The following TYR variants were observed in gnomAD, a reference collection of about 807,000 sequenced individuals.
The protein encoded by TYR is LB24-AB.
A neutral mutation model predicts 51.5 loss-of-function variants in TYR; 58 were observed. That is an observed-to-expected ratio of 1.13 (90% CI 0.91 to 1.40). The LOEUF is 1.40. Ranked by LOEUF, TYR falls within the 40% of genes most tolerant of loss-of-function variation. The probability of loss-of-function intolerance (pLI) is 0.00; values close to 1 mark genes in which losing one functional copy is unlikely to be tolerated. For missense variants in TYR, 732 were observed against 647.4 expected (o/e 1.13, Z -1.42); for synonymous variants, 263 against 235.2 (o/e 1.12, Z -1.08).
At chr11:89,223,350 A>G (rs1265430748) in intron 2 of TYR, among the ~76,000 whole-genome samples, 1 of 152,174 alleles carries the variant, frequency 6.6e-6, no homozygotes, top group Non-Finnish European at 1.5e-5. Context: ...ACAGAGTCAA[A>G]TCTCAGCCAG....
At chr11:89,215,095 G>T (rs377470977) in intron 2 of TYR, among the ~76,000 whole-genome samples, 1 of 152,058 alleles carries the variant, frequency 6.6e-6, no homozygotes, top group African/African-American at 2.4e-5. Flanking sequence ...GCATTCTAGT[G>T]AGGAGAAGCA....
Position 89,230,906 on chromosome 11 carries a change from T to TAAAA in TYR, c.1184+2947_1184+2950dup, listed in dbSNP as rs71052219. On this transcript the variant is annotated intron_variant, in intron 3 of 4. Coordinates refer to ENST00000263321, the MANE Select transcript of TYR (RefSeq NM_000372.5). ...GGACAAGAAGTATTAGAGACTATGT[T>TAAAA]AAAAAAAAAAAAAAGAGGGACTTTA... Among the ~76,000 whole-genome samples, 408 of 139,366 alleles carry TAAAA rather than the reference T, an allele frequency of 2.9e-3. 2 individuals are homozygous for TAAAA. Among genetic ancestry groups the TAAAA allele is most frequent in the African/African-American group, 9.5e-3 (366 of 38,418 alleles). 91.4% of individuals were successfully genotyped at this position (139,366 alleles called of 152,430 possible). A position where few individuals can be genotyped will look rare whatever the true frequency, so the allele number is the denominator to read the frequency against.
At chr11:89,216,577 C>T (rs1943835039) in intron 2 of TYR, among the ~76,000 whole-genome samples, 1 of 141,710 alleles carries the variant, frequency 7.1e-6, no homozygotes. Context: ...CGCTTGAACC[C>T]AGGAGGCAGA....
chr11:89,256,309 T>C (rs536383661), intron 3 of TYR, among the ~76,000 whole-genome samples: 1 of 151,992 alleles, frequency 6.6e-6, no homozygotes, highest in Admixed American at 6.6e-5. Flanking sequence ...GATACTGTCC[T>C]ATGTCATATG....
intron 1 of TYR, among the ~76,000 whole-genome samples, chr11:89,180,497 G>A (rs1943286775): frequency 6.6e-6 from 1 of 151,710 alleles, no homozygotes; most frequent in African/African-American, 2.4e-5. Context: ...TAATTGTCAA[G>A]CAGAACTTTT....
intron 4 of TYR, among the ~76,000 whole-genome samples, chr11:89,294,787 G>A (rs1944888215): frequency 6.6e-6 from 1 of 152,134 alleles, no homozygotes; most frequent in Admixed American, 6.5e-5. Context: ...ATGATATAAC[G>A]GTGTTCTATT....
At chr11:89,291,284 G>T (rs1242197787) in intron 4 of TYR, among the ~76,000 whole-genome samples, 1 of 151,904 alleles carries the variant, frequency 6.6e-6, no homozygotes, top group African/African-American at 2.4e-5. Flanking sequence ...CCTTCAAGGA[G>T]CCATTTTAAT....
intron 3 of TYR, among the ~76,000 whole-genome samples, chr11:89,235,447 G>A (rs112396391): frequency 2.0e-5 from 3 of 152,166 alleles, no homozygotes; most frequent in African/African-American, 7.2e-5. Context: ...GGGCAAATGG[G>A]TAAAGAAAAT....
At chr11:89,189,536 A>G (rs1943415617) in intron 1 of TYR, among the ~76,000 whole-genome samples, 1 of 151,926 alleles carries the variant, frequency 6.6e-6, no homozygotes, top group Admixed American at 6.6e-5. Context: ...TGAATATAAT[A>G]TAGATTAATG....
chr11:89,288,098 T>C (rs1256257650), intron 4 of TYR, among the ~76,000 whole-genome samples: 1 of 151,924 alleles, frequency 6.6e-6, no homozygotes, highest in African/African-American at 2.4e-5. Flanking sequence ...TGAAGTTATA[T>C]GGGACGGCAA....
At position 89,241,040 on chromosome 11, in the gene TYR, C is replaced by G. The variant is rs570911292; in HGVS notation, c.1184+13070C>G. Among the ~76,000 whole-genome samples the G allele has an allele frequency of 2.6e-5, 4 of 152,238 alleles. No homozygotes were observed. The East Asian group carries it at 7.7e-4, about 29-fold the overall frequency. On this transcript the variant is annotated intron_variant, in intron 3 of 4. Transcript: ENST00000263321. ...TGAAGAGTTGTTTATTCTGTTTCTA[C>G]ACAAACATCAGATTTGGGAAAAACT...
chr11:89,186,520 A>T (rs1943375013), intron 1 of TYR, among the ~76,000 whole-genome samples: 1 of 152,078 alleles, frequency 6.6e-6, no homozygotes, highest in Non-Finnish European at 1.5e-5. Flanking sequence ...TGGTGGGAGG[A>T]AAGAGGTCAA....
In TYR at chr11:89,266,007, C is replaced by T. The variant is rs534217087; in HGVS notation, c.1185-18766C>T. 8.7e-4 allele frequency among the ~76,000 whole-genome samples: 133 copies of T among 152,028 alleles called. 2 individuals carry two copies. Among genetic ancestry groups the T allele is most frequent in the African/African-American group, 3.1e-3 (129 of 41,504 alleles). Reference sequence around the variant, plus strand: ...ATCTAACTACTATTTTGGGGCAAAACGCAAAGAAAATAGTCTGTTTTTTAG... The same window carrying T: ...ATCTAACTACTATTTTGGGGCAAAATGCAAAGAAAATAGTCTGTTTTTTAG... On this transcript the variant is annotated intron_variant, in intron 3 of 4. Coordinates refer to ENST00000263321, the MANE Select transcript of TYR (RefSeq NM_000372.5).
chr11:89,233,137 T>C (rs1025273102), intron 3 of TYR, among the ~76,000 whole-genome samples: 4 of 143,788 alleles, frequency 2.8e-5, no homozygotes, highest in Non-Finnish European at 6.0e-5. Context: ...TTATCTGATA[T>C]ACTAAATACT....
At chr11:89,241,596 A>T (rs942666800) in intron 3 of TYR, among the ~76,000 whole-genome samples, 1 of 151,876 alleles carries the variant, frequency 6.6e-6, no homozygotes, top group Non-Finnish European at 1.5e-5. Flanking sequence ...TATACTAGGC[A>T]ATAGGTTATA....
At position 89,278,767 on chromosome 11, in the gene TYR, C is replaced by T. The variant is rs182678384; in HGVS notation, c.1185-6006C>T. Among the ~76,000 whole-genome samples, 3 of 151,742 alleles carry T rather than the reference C, an allele frequency of 2.0e-5. No homozygotes were observed. In the East Asian group the frequency reaches 5.9e-4, roughly 30 times the overall value. ...TAATTATTATCAACCACAGTCAATA[C>T]TTTAGATTACTTAGTACCTAATATC... On this transcript the variant is annotated intron_variant, in intron 3 of 4. Transcript: ENST00000263321.
chr11:89,241,738 TTAATA>T (rs986915975), intron 3 of TYR, among the ~76,000 whole-genome samples: 111 of 147,864 alleles, frequency 7.5e-4, no homozygotes, highest in Non-Finnish European at 1.4e-3. Context: ...TTAATATAAT[TTAATA>T]TATTAATATA....
chr11:89,198,764 T>C (rs1203225578), intron 2 of TYR, among the ~76,000 whole-genome samples: 2 of 150,758 alleles, frequency 1.3e-5, no homozygotes, highest in Non-Finnish European at 2.9e-5. Flanking sequence ...CATATATATA[T>C]ATATATTTTT....
chr11:89,262,859 A>AC (rs1470266860), intron 3 of TYR, among the ~76,000 whole-genome samples: 1 of 145,372 alleles, frequency 6.9e-6, no homozygotes, highest in African/African-American at 2.6e-5. Context: ...AAAAAAAAAA[A>AC]AAAAAAAAAA....
Sources: gnomAD v4.1 joint callset for allele counts (sites outside exome capture counted in the v4.1 genomes callset) on GRCh38, gnomAD v4.1.1 for gene constraint, MANE v1.5 for transcripts, NCBI Gene and HGNC (gene_info 2026-07-23, HGNC 2026-07-21) for gene names.